Variants in CIMIP1 observed in about 807,000 individuals in gnomAD.
CIMIP1 encodes the protein ciliary microtubule inner protein 1.
chr20:58,151,910 T>G, the CIMIP1 span, among the ~76,000 whole-genome samples: 1 of 152,210 alleles, frequency 6.6e-6, no homozygotes, highest in Non-Finnish European at 1.5e-5. Context: ...CTACGTATTA[T>G]TGCATCTCTT....
chr20:58,160,873 C>A, the CIMIP1 span: 2 of 1,567,012 alleles, frequency 1.3e-6, no homozygotes, highest in Non-Finnish European at 1.7e-6. Flanking sequence ...ACCAGGCACC[C>A]AGGGCCATGC....
At chr20:58,159,594 C>CT in the CIMIP1 span, among the ~76,000 whole-genome samples, 2 of 151,812 alleles carry the variant, frequency 1.3e-5, no homozygotes, top group African/African-American at 4.8e-5. Context: ...GTGTTTTCAT[C>CT]TTTTTGCCCC....
the CIMIP1 span, among the ~76,000 whole-genome samples, chr20:58,159,322 C>A: frequency 2.6e-5 from 4 of 151,462 alleles, no homozygotes; most frequent in Admixed American, 1.3e-4. Context: ...TCGAGACCAG[C>A]CTGACCAACA....
At chr20:58,155,981 TC>T in the CIMIP1 span, among the ~76,000 whole-genome samples, 1 of 152,156 alleles carries the variant, frequency 6.6e-6, no homozygotes, top group Non-Finnish European at 1.5e-5. Context: ...TCTCTGTGTC[TC>T]CCCTGCCTGT....
At chr20:58,159,635 G>A in the CIMIP1 span, among the ~76,000 whole-genome samples, 16 of 152,136 alleles carry the variant, frequency 1.1e-4, no homozygotes, top group Non-Finnish European at 1.5e-5. Context: ...GTCTCACAGT[G>A]GATTTCAACT....
the CIMIP1 span, among the ~76,000 whole-genome samples, chr20:58,156,413 A>G: frequency 7.2e-5 from 11 of 152,160 alleles, no homozygotes; most frequent in Admixed American, 3.3e-4. Flanking sequence ...CAGGAACAGC[A>G]AGGCAAGGCG....
the CIMIP1 span, among the ~76,000 whole-genome samples, chr20:58,156,451 G>A: frequency 6.6e-6 from 1 of 152,170 alleles, no homozygotes; most frequent in African/African-American, 2.4e-5. Context: ...GTGGAGGGTG[G>A]GGGCAGGAGG....
At chr20:58,151,119 G>C in the CIMIP1 span, 2 of 1,311,676 alleles carry the variant, frequency 1.5e-6, no homozygotes, top group Non-Finnish European at 2.1e-6. Flanking sequence ...CACCAAGTCC[G>C]GGAAGTGATC....
chr20:58,157,596 A>G, the CIMIP1 span, among the ~76,000 whole-genome samples: 5 of 152,172 alleles, frequency 3.3e-5, no homozygotes, highest in African/African-American at 1.2e-4. Flanking sequence ...TATTATATTA[A>G]TGGCTGTGTT....
the CIMIP1 span, chr20:58,151,056 C>A: frequency 1.9e-6 from 3 of 1,579,522 alleles, no homozygotes; most frequent in Admixed American, 1.8e-5. Context: ...TCGGGCAACG[C>A]GGTGGGCTCC....
the CIMIP1 span, among the ~76,000 whole-genome samples, chr20:58,158,353 C>A: frequency 6.6e-6 from 1 of 152,154 alleles, no homozygotes; most frequent in Non-Finnish European, 1.5e-5. Context: ...CTTTCTTGCC[C>A]AAGAAATGGT....
chr20:58,155,328 T>C, the CIMIP1 span: 96 of 634,180 alleles, frequency 1.5e-4, no homozygotes, highest in Non-Finnish European at 2.3e-4. Context: ...TCTGTGTCTA[T>C]AAAATGCGCC....
At chr20:58,151,567 C>T in the CIMIP1 span, among the ~76,000 whole-genome samples, 1 of 152,014 alleles carries the variant, frequency 6.6e-6, no homozygotes, top group South Asian at 2.1e-4. Context: ...CGCCCACCAC[C>T]ACACCCGGCT....
chr20:58,155,164 C>A, the CIMIP1 span, among the ~76,000 whole-genome samples: 1 of 152,236 alleles, frequency 6.6e-6, no homozygotes, highest in East Asian at 1.9e-4. Context: ...AATTCCCCCA[C>A]AGGGGATGTA....
At chr20:58,160,559 G>A in the CIMIP1 span, 46 of 1,310,472 alleles carry the variant, frequency 3.5e-5, no homozygotes, top group Non-Finnish European at 4.6e-5. Context: ...AGGGAGGCTG[G>A]CTTTTCTTTC....
At chr20:58,150,947 A>G in the CIMIP1 span, 2 of 1,596,006 alleles carry the variant, frequency 1.3e-6, no homozygotes, top group Admixed American at 3.5e-5. Context: ...TGCGGGGCGC[A>G]CAGAGCCCCC....
At chr20:58,151,208 C>T in the CIMIP1 span, among the ~76,000 whole-genome samples, 4 of 152,156 alleles carry the variant, frequency 2.6e-5, no homozygotes, top group East Asian at 7.7e-4. Context: ...ATGTTAGGGA[C>T]ATGAGAGCGA....
At chr20:58,153,707 A>C in the CIMIP1 span, 2 of 1,056,946 alleles carry the variant, frequency 1.9e-6, no homozygotes, top group East Asian at 2.4e-5. Flanking sequence ...ATCACTTGCA[A>C]GAATAAAACT....
the CIMIP1 span, among the ~76,000 whole-genome samples, chr20:58,151,339 GTTT>G: frequency 6.8e-6 from 1 of 146,674 alleles, no homozygotes; most frequent in African/African-American, 2.5e-5. Flanking sequence ...ACATGTTCAT[GTTT>G]TTTTTTTTTC....
Sources: allele counts gnomAD v4.1 joint callset (sites outside exome capture counted in the v4.1 genomes callset), GRCh38; gene constraint gnomAD v4.1.1; transcripts MANE v1.5; gene names NCBI Gene and HGNC (gene_info 2026-07-23, HGNC 2026-07-21).